Variants in GJC1 observed in about 807,000 individuals in gnomAD.
GJC1 encodes the protein gap junction gamma-1 protein.
Under a neutral mutation model 29.3 loss-of-function variants are expected in GJC1, and 5 were observed. That is an observed-to-expected ratio of 0.17 (90% CI 0.09 to 0.36). The LOEUF (loss-of-function observed/expected upper bound fraction) is 0.36. Ranked by LOEUF, GJC1 falls within the 10% of genes least tolerant of loss-of-function variation. The pLI is 1.00. For synonymous variants in GJC1, 177 were observed against 183.3 expected, an observed-to-expected ratio of 0.97 and a Z score of 0.28; for missense variants, 310 against 496.2, an observed-to-expected ratio of 0.62 and a Z score of 3.56.
At chr17:44,815,072 A>G (rs1217162553) in intron 1 of GJC1, among the ~76,000 whole-genome samples, 1 of 152,222 alleles carries the variant, frequency 6.6e-6, no homozygotes, top group Admixed American at 6.5e-5. Flanking sequence ...ATAAAAAATC[A>G]TGTCTATACT....
intron 1 of GJC1, among the ~76,000 whole-genome samples, chr17:44,825,217 A>AT (rs2050160467): frequency 2.1e-5 from 3 of 143,758 alleles, no homozygotes; most frequent in Non-Finnish European, 3.1e-5. Flanking sequence ...AAAAAAAAAA[A>AT]GGCTGGGCGC....
At chr17:44,820,326 T>C (rs560691425) in intron 1 of GJC1, among the ~76,000 whole-genome samples, 15 of 152,290 alleles carry the variant, frequency 9.8e-5, no homozygotes, top group African/African-American at 1.4e-4. Flanking sequence ...AGGCAAGAGA[T>C]TCTAATCCCA....
chr17:44,819,379 C>A (rs907972465), intron 1 of GJC1, among the ~76,000 whole-genome samples: 1 of 152,106 alleles, frequency 6.6e-6, no homozygotes, highest in Non-Finnish European at 1.5e-5. Flanking sequence ...CTTCCTTTGG[C>A]CAGGCGCGGT....
At position 44,803,109 on chromosome 17, in the gene GJC1, T is replaced by C. The variant is rs1377929429; in HGVS notation, c.*1518A>G. ...AGTGTTCTACTATTCATCTAAATAA[T>C]GGAGAACTGGCATTTTACAATTAAG... On this transcript the variant is annotated 3_prime_UTR_variant, in exon 3 of 3. Transcript: ENST00000592524. 1.3e-5 allele frequency: 2 copies of C among 152,170 alleles called. No individual in the cohort carries two copies. The highest frequency in any genetic ancestry group is 2.9e-5 in the Non-Finnish European group (2 of 68,036). The allele number at this position is 152,170 out of a possible 1,614,324, so 9.4% of individuals were successfully genotyped here. A position where few individuals can be genotyped will look rare whatever the true frequency, so the allele number is the denominator to read the frequency against.
At chr17:44,817,846 TTA>T (rs2050061083) in intron 1 of GJC1, among the ~76,000 whole-genome samples, 1 of 152,070 alleles carries the variant, frequency 6.6e-6, no homozygotes, top group African/African-American at 2.4e-5. Flanking sequence ...TAGTAAAGAA[TTA>T]CATTACCAAT....
intron 1 of GJC1, among the ~76,000 whole-genome samples, chr17:44,826,673 G>A (rs1485348599): frequency 6.6e-6 from 1 of 152,112 alleles, no homozygotes. Flanking sequence ...TACAGTACTT[G>A]TAAAATTCAA....
rs1339705042 is a variant in GJC1, at chr17:44,830,227, TCCC to T, written c.-265_-263del. 1 of 157,746 alleles carries T rather than the reference TCCC, an allele frequency of 6.3e-6. No individual in the cohort carries two copies. Among genetic ancestry groups the T allele is most frequent in the Non-Finnish European group, 1.4e-5 (1 of 74,072 alleles). The allele number at this position is 157,746 out of a possible 1,614,324, so 9.8% of individuals were successfully genotyped here. ...AGTCTCCAGCCGAGGCAGAAGCCGC[TCCC>T]GCCGCTGCCGCCGCCGCCGCCGCCT... On this transcript the variant is annotated 5_prime_UTR_variant, in exon 1 of 3. Transcript: ENST00000592524. This position sits in a 1 kb window ranked among gnomAD's most constrained non-coding sequence, Gnocchi z 4.3.
Position 44,805,342 on chromosome 17 carries a change from T to C in GJC1, c.476A>G (p.Lys159Arg), listed in dbSNP as rs764167139. The C allele has an allele frequency of 5.7e-5, 92 of 1,614,066 alleles. No homozygotes were observed. Among genetic ancestry groups the C allele is most frequent in the Non-Finnish European group, 7.5e-5 (88 of 1,180,020 alleles). ...CCGTCGTCGGCCATCATGCTTAGGTTTGGGTTGGCTCTGCTCTTTATTTTC... is the reference window on the plus strand; with the variant it reads ...CCGTCGTCGGCCATCATGCTTAGGTCTGGGTTGGCTCTGCTCTTTATTTTC... The part of the protein sequence containing the change: ...DKENKEQSQP[K>R]PKHDGRRRIR... Residue 159 changes from lysine (K) to arginine (R), a missense_variant, in exon 3 of 3, where the codon AAA becomes AGA. By Grantham distance (26) the Lys-to-Arg change is conservative. Around this residue, in one of 4 missense-constraint regions of GJC1, gnomAD observed 82 missense variants for 100.7 expected, o/e 0.81. Transcript: ENST00000592524. The surrounding 1 kb of genome is among the most constrained non-coding windows in gnomAD (Gnocchi z 5.1).
intron 1 of GJC1, among the ~76,000 whole-genome samples, chr17:44,829,273 C>T (rs1372059071): frequency 2.0e-5 from 3 of 152,122 alleles, no homozygotes; most frequent in African/African-American, 7.2e-5. Context: ...TCACGTACAT[C>T]TTTTCAACTC....
chr17:44,821,955 TGG>T (rs1433733430), intron 1 of GJC1, among the ~76,000 whole-genome samples: 1 of 151,758 alleles, frequency 6.6e-6, no homozygotes, highest in East Asian at 1.9e-4. Flanking sequence ...CCTAGCACTT[TGG>T]GAGGCCGAGG....
At position 44,799,117 on chromosome 17, in the gene GJC1, G is replaced by C. The variant is rs184499964; in HGVS notation, c.*5510C>G. 1 of 152,332 alleles carries C rather than the reference G, an allele frequency of 6.6e-6. No individual in the cohort carries two copies. The highest frequency in any genetic ancestry group is 2.4e-5 in the African/African-American group (1 of 41,518). 9.4% of individuals were successfully genotyped at this position (152,332 alleles called of 1,614,324 possible). A position where few individuals can be genotyped will look rare whatever the true frequency, so the allele number is the denominator to read the frequency against. On this transcript the variant is annotated 3_prime_UTR_variant, in exon 3 of 3. Coordinates refer to ENST00000592524, the MANE Select transcript of GJC1 (RefSeq NM_005497.4). ...GACCTCATGTGATCCACCTGCCTTGGCCTCCCAAAGTGTTGGGATTACAGG... is the reference window on the plus strand; with the variant it reads ...GACCTCATGTGATCCACCTGCCTTGCCCTCCCAAAGTGTTGGGATTACAGG...
chr17:44,818,779 A>G (rs2050071958), intron 1 of GJC1, among the ~76,000 whole-genome samples: 1 of 151,852 alleles, frequency 6.6e-6, no homozygotes, highest in Non-Finnish European at 1.5e-5. Context: ...TGGGCAAGAG[A>G]GCAAAAGAGC....
rs1486678139 is a variant in GJC1, at chr17:44,805,435, T to C, written c.383A>G (p.Glu128Gly). The change falls in exon 3 of 3, where the codon GAA (glutamate) becomes GGA (glycine). Residue 128 changes from glutamate to glycine, a missense_variant. Transcript: ENST00000592524. This position sits in a 1 kb window ranked among gnomAD's most constrained non-coding sequence, Gnocchi z 5.1. ...AMRWKQHRALEETEEDNEEDP... is the reference protein window; with the variant it reads ...AMRWKQHRALGETEEDNEEDP... ...CTCTTCGTTGTCCTCCTCCGTTTCTTCCAGAGCCCGGTGTTGTTTCCAGCG... is the reference window on the plus strand; with the variant it reads ...CTCTTCGTTGTCCTCCTCCGTTTCTCCCAGAGCCCGGTGTTGTTTCCAGCG... 1.2e-6 allele frequency: 2 copies of C among 1,614,042 alleles called. No homozygotes were observed. Among genetic ancestry groups the C allele is most frequent in the East Asian group, 4.5e-5 (2 of 44,900 alleles).
intron 1 of GJC1, among the ~76,000 whole-genome samples, chr17:44,816,865 T>C (rs2050049230): frequency 6.6e-6 from 1 of 152,156 alleles, no homozygotes; most frequent in African/African-American, 2.4e-5. Flanking sequence ...TTTCAGCAGG[T>C]AGATTCTAAT....
At chr17:44,806,226 T>C (rs898051505) in intron 2 of GJC1, among the ~76,000 whole-genome samples, 3 of 152,054 alleles carry the variant, frequency 2.0e-5, no homozygotes, top group Non-Finnish European at 4.4e-5. Context: ...AAAAAAAGAA[T>C]AAACAGCATC....
In GJC1 at chr17:44,801,391, A is replaced by G. The variant is rs1451723295; in HGVS notation, c.*3236T>C. 6.6e-6 allele frequency: 1 copy of G among 152,214 alleles called. No homozygotes were observed. Among genetic ancestry groups the G allele is most frequent in the East Asian group, 1.9e-4 (1 of 5,200 alleles). The allele number at this position is 152,214 out of a possible 1,614,324, so 9.4% of individuals were successfully genotyped here. A position where few individuals can be genotyped will look rare whatever the true frequency, so the allele number is the denominator to read the frequency against. On this transcript the variant is annotated 3_prime_UTR_variant, in exon 3 of 3. Transcript: ENST00000592524. ...GATTCTAGCAGGTGAAGGACTAAGC[A>G]CTCAACTTGTATTTGGAGGAGAAGC... is the stretch of plus-strand genomic sequence containing the variant.
At position 44,799,232 on chromosome 17, in the gene GJC1, G is replaced by A. The variant is rs2145280129; in HGVS notation, c.*5395C>T. 6.6e-6 allele frequency: 1 copy of A among 152,176 alleles called. No individual in the cohort carries two copies. The highest frequency in any genetic ancestry group is 1.5e-5 in the Non-Finnish European group (1 of 68,084). The allele number at this position is 152,176 out of a possible 1,614,324, so 9.4% of individuals were successfully genotyped here. ...ACTTTTTTCCTCTTTTTTGGCGACA[G>A]TCTTACTCTGTCACCCAGGCTGGAG... On this transcript the variant is annotated 3_prime_UTR_variant, in exon 3 of 3. Coordinates refer to ENST00000592524, the MANE Select transcript of GJC1 (RefSeq NM_005497.4).
Position 44,811,946 on chromosome 17 carries a change from T to C in GJC1, c.-96-4477A>G, listed in dbSNP as rs1216332091. Among the ~76,000 whole-genome samples, 3 of 150,608 alleles carry C rather than the reference T, an allele frequency of 2.0e-5. No homozygotes were observed. The East Asian group carries it at 5.8e-4, about 29-fold the overall frequency. ...TAAATCTGGGAGGCAGAGGTTGCAG[T>C]GAGCCGAGATCGTCCCATTGCACTC... On this transcript the variant is annotated intron_variant, in intron 1 of 2. Coordinates refer to ENST00000592524, the MANE Select transcript of GJC1 (RefSeq NM_005497.4).
upstream of GJC1, among the ~76,000 whole-genome samples, chr17:44,831,040 G>A (rs937952713): frequency 3.9e-5 from 6 of 152,260 alleles, no homozygotes; most frequent in African/African-American, 1.4e-4. Flanking sequence ...TAAAGAGATG[G>A]GCGACCTCTG....
Sources: allele counts gnomAD v4.1 joint callset (sites outside exome capture counted in the v4.1 genomes callset), GRCh38; gene constraint gnomAD v4.1.1; regional missense constraint gnomAD v4.1.1; non-coding constraint Gnocchi (gnomAD v3.1); transcripts MANE v1.5; gene names NCBI Gene and HGNC (gene_info 2026-07-23, HGNC 2026-07-21).